Variants in PTPRK observed in about 807,000 individuals in gnomAD.
PTPRK encodes receptor-type tyrosine-protein phosphatase kappa.
A neutral mutation model predicts 178.0 loss-of-function variants in PTPRK; 75 were observed. The observed-to-expected ratio is 0.42, with a 90% CI of 0.35 to 0.51. The LOEUF (loss-of-function observed/expected upper bound fraction) is 0.51, where lower values mean the gene tolerates loss of function less well. Among genes scored for constraint, PTPRK ranks in the 20% least tolerant of loss-of-function variants. PTPRK has a pLI of 0.02. For synonymous variants in PTPRK, 637 were observed against 620.6 expected, an observed-to-expected ratio of 1.03 and a Z score of -0.39; for missense variants, 1,441 against 1,797.8, an observed-to-expected ratio of 0.80 and a Z score of 3.59.
At chr6:128,017,765 T>TACAA (rs67935783) in intron 13 of PTPRK, among the ~76,000 whole-genome samples, 1 of 130,712 alleles carries the variant, frequency 7.7e-6, no homozygotes, top group Non-Finnish European at 1.6e-5. Flanking sequence ...TATATACATA[T>TACAA]ATAAATATTT....
intron 4 of PTPRK, among the ~76,000 whole-genome samples, chr6:128,241,948 ATTTTTTTTT>A (rs1202951832): frequency 3.8e-4 from 48 of 126,228 alleles, no homozygotes; most frequent in African/African-American, 1.4e-3. Flanking sequence ...CGCCTGGCTA[ATTTTTTTTT>A]TTTTTTTTTT....
chr6:128,028,635 G>C (rs1409034241), intron 13 of PTPRK, among the ~76,000 whole-genome samples: 1 of 152,238 alleles, frequency 6.6e-6, no homozygotes, highest in South Asian at 2.1e-4. Context: ...TAGGCACACT[G>C]CATGAAATTA....
chr6:128,435,098 AAGGAAGGAAGGCAGGAAGGC>A (rs1276527344), intron 1 of PTPRK, among the ~76,000 whole-genome samples: 1,448 of 76,458 alleles, frequency 0.019, 31 homozygotes, highest in African/African-American at 0.083. Context: ...GGAAGGAAGG[AAGGAAGGAAGGCAGGAAGGC>A]AGGCAGGAAG....
At chr6:127,988,402 C>T (rs748209021) in intron 21 of PTPRK, among the ~76,000 whole-genome samples, 25 of 149,740 alleles carry the variant, frequency 1.7e-4, no homozygotes, top group Admixed American at 5.4e-4. Flanking sequence ...TTTCCCAACT[C>T]GGATGATTCT....
At chr6:128,512,728 A>G (rs1265040683) in intron 1 of PTPRK, among the ~76,000 whole-genome samples, 2 of 152,230 alleles carry the variant, frequency 1.3e-5, no homozygotes, top group African/African-American at 4.8e-5. Context: ...TCTCTTGAGA[A>G]AACTGACAAG....
Position 128,188,989 on chromosome 6 carries a change from C to T in PTPRK, c.869-4264G>A, listed in dbSNP as rs551954663. Among the ~76,000 whole-genome samples the T allele has an allele frequency of 7.2e-4, 110 of 152,164 alleles. 1 individual carries two copies. The highest frequency in any genetic ancestry group is 2.5e-3 in the African/African-American group (104 of 41,514). The stretch of plus-strand genomic sequence containing the variant: ...ATCACACCTGCAAACATCATTTTTC[C>T]ATATAAGGAACATTACAGGTTCCAA... On this transcript the variant is annotated intron_variant, in intron 6 of 29. Coordinates refer to ENST00000368226, the MANE Select transcript of PTPRK (RefSeq NM_002844.4).
At chr6:128,153,533 A>G (rs1470636561) in intron 7 of PTPRK, among the ~76,000 whole-genome samples, 1 of 152,010 alleles carries the variant, frequency 6.6e-6, no homozygotes, top group African/African-American at 2.4e-5. Flanking sequence ...GTAAAACTGT[A>G]CTATCAGAAG....
intron 13 of PTPRK, among the ~76,000 whole-genome samples, chr6:128,055,638 T>C (rs1049893997): frequency 5.3e-5 from 8 of 152,156 alleles, no homozygotes; most frequent in African/African-American, 1.9e-4. Context: ...CTTGCTCTGT[T>C]GCCCAAGCTG....
chr6:128,168,313 T>C (rs557480499), intron 7 of PTPRK, among the ~76,000 whole-genome samples: 4 of 152,198 alleles, frequency 2.6e-5, no homozygotes, highest in Admixed American at 1.3e-4. Context: ...TTGTTCTCTT[T>C]TGCAGGTGGA....
At position 127,982,495 on chromosome 6, in the gene PTPRK, C is replaced by T. The variant is rs572658923; in HGVS notation, c.3537+336G>A. On this transcript the variant is annotated intron_variant, in intron 24 of 29. Transcript: ENST00000368226. ...TTCACCGTGTTAGCCAGGATGGTCT[C>T]GATCTCCTGACCTCGTGATCCACCC... Among the ~76,000 whole-genome samples, 29 of 152,102 alleles carry T rather than the reference C, an allele frequency of 1.9e-4. No homozygotes were observed. In the East Asian group the frequency reaches 5.5e-3, roughly 29 times the overall value.
intron 1 of PTPRK, among the ~76,000 whole-genome samples, chr6:128,440,154 T>G (rs970301566): frequency 6.6e-6 from 1 of 152,196 alleles, no homozygotes; most frequent in Non-Finnish European, 1.5e-5. Context: ...GATTTTGGTA[T>G]GGGCAAGGGG....
At chr6:128,421,890 C>G (rs986899978) in intron 1 of PTPRK, among the ~76,000 whole-genome samples, 1 of 152,180 alleles carries the variant, frequency 6.6e-6, no homozygotes, top group East Asian at 1.9e-4. Flanking sequence ...TATAAGAACA[C>G]CTTACTCTTA....
At chr6:128,494,512 G>A (rs1277654126) in intron 1 of PTPRK, among the ~76,000 whole-genome samples, 2 of 152,102 alleles carry the variant, frequency 1.3e-5, no homozygotes, top group Non-Finnish European at 1.5e-5. Context: ...CCCAACAGCT[G>A]GAGTACTCAG....
At chr6:128,043,954 C>T (rs1777622646) in intron 13 of PTPRK, among the ~76,000 whole-genome samples, 1 of 151,876 alleles carries the variant, frequency 6.6e-6, no homozygotes, top group Non-Finnish European at 1.5e-5. Flanking sequence ...AGGGCAAATG[C>T]TTTTGAAATC....
At chr6:128,466,740 G>T (rs1249474166) in intron 1 of PTPRK, among the ~76,000 whole-genome samples, 1 of 152,012 alleles carries the variant, frequency 6.6e-6, no homozygotes, top group African/African-American at 2.4e-5. Context: ...CAAGGAAAAT[G>T]AATCAACAGA....
At chr6:128,061,577 T>C (rs1780828864) in intron 13 of PTPRK, among the ~76,000 whole-genome samples, 1 of 152,120 alleles carries the variant, frequency 6.6e-6, no homozygotes, top group African/African-American at 2.4e-5. Context: ...AGGGTCTGAC[T>C]GTAGGGCAGC....
chr6:128,166,861 C>A (rs1161884591), intron 7 of PTPRK, among the ~76,000 whole-genome samples: 2 of 151,590 alleles, frequency 1.3e-5, no homozygotes, highest in African/African-American at 4.8e-5. Flanking sequence ...ACACATATAT[C>A]CCTATGTAAA....
Position 128,519,307 on chromosome 6 carries a change from G to A in PTPRK, c.100+952C>T, listed in dbSNP as rs79242689. 0.025 allele frequency among the ~76,000 whole-genome samples: 3,759 copies of A among 152,338 alleles called. 59 individuals carry two copies. The highest frequency in any genetic ancestry group is 0.038 in the Non-Finnish European group (2,561 of 68,028). On this transcript the variant is annotated intron_variant, in intron 1 of 29. Transcript: ENST00000368226. This position sits in a 1 kb window ranked among gnomAD's most constrained non-coding sequence, Gnocchi z 4.3. ...ATAACAAAACTGGAGGGGAACAGAG[G>A]GCGGGACCGGGAGAGCCAGGGTTCA...
At chr6:128,224,426 T>C (rs950213810) in intron 5 of PTPRK, among the ~76,000 whole-genome samples, 2 of 152,210 alleles carry the variant, frequency 1.3e-5, no homozygotes, top group Admixed American at 6.5e-5. Context: ...TGGTGGAATA[T>C]AGTGGTAATA....
Sources: gnomAD v4.1 joint callset for allele counts (sites outside exome capture counted in the v4.1 genomes callset) on GRCh38, gnomAD v4.1.1 for gene constraint, Gnocchi (gnomAD v3.1) non-coding constraint, MANE v1.5 for transcripts, NCBI Gene and HGNC (gene_info 2026-07-23, HGNC 2026-07-21) for gene names.